The following TET2 variants were observed in gnomAD, a reference collection of about 807,000 sequenced individuals.
The protein encoded by TET2 is tet methylcytosine dioxygenase 2, also known as methylcytosine dioxygenase TET2.
In TET2, 299 loss-of-function variants were observed where a neutral mutation model predicts 142.9. That is an observed-to-expected ratio of 2.09 (90% CI 1.90 to 2.30). The LOEUF is 2.30. Ranked by LOEUF, TET2 falls within the 30% of genes most tolerant of loss-of-function variation. The probability of loss-of-function intolerance (pLI) is 0.00; values close to 1 mark genes in which losing one functional copy is unlikely to be tolerated. For synonymous variants in TET2, 819 were observed against 849.0 expected (o/e 0.96, Z 0.61); for missense variants, 2,418 against 2,378.0 (o/e 1.02, Z -0.35).
chr4:105,237,015 A>G lies in TET2; in HGVS notation c.3073A>G (p.Ile1025Val). The G allele has an allele frequency of 6.2e-7, 1 of 1,614,186 alleles. No homozygotes were observed. Among genetic ancestry groups the G allele is most frequent in the Non-Finnish European group, 8.5e-7 (1 of 1,180,020 alleles). ...TGATAATGTGCAGCAAAAGAGCATC[A>G]TTGAGACCATGGAGCAGCATCTGAA... ...SCDNVQQKSI[I>V]ETMEQHLKQF... Residue 1025 changes from isoleucine (I) to valine (V), a missense_variant, in exon 3 of 11, where the codon ATT becomes GTT. Coordinates refer to ENST00000380013, the MANE Select transcript of TET2 (RefSeq NM_001127208.3).
At chr4:105,247,392 A>C (rs1463221020) in intron 6 of TET2, among the ~76,000 whole-genome samples, 2 of 152,222 alleles carry the variant, frequency 1.3e-5, no homozygotes, top group African/African-American at 4.8e-5. Context: ...AAGCCCTTCC[A>C]CATGATTGAC....
intron 1 of TET2, among the ~76,000 whole-genome samples, chr4:105,187,494 A>G (rs1231568135): frequency 6.6e-6 from 1 of 152,222 alleles, no homozygotes; most frequent in African/African-American, 2.4e-5. Context: ...TGGAATACAT[A>G]AGTTTTTTCA....
rs1553916528 is a variant in TET2, at chr4:105,255,919, T to TTGATG, written c.3804-3698_3804-3694dup. Among the ~76,000 whole-genome samples, 119 of 86,738 alleles carry TTGATG rather than the reference T, an allele frequency of 1.4e-3. 1 individual carries two copies. The highest frequency in any genetic ancestry group is 7.0e-3 in the African/African-American group (113 of 16,080). The allele number at this position is 86,738 out of a possible 152,430, so 56.9% of individuals were successfully genotyped here. A position where few individuals can be genotyped will look rare whatever the true frequency, so the allele number is the denominator to read the frequency against. ...ATTCCCTTGTCTTTTACTAAATTTT[T>TTGATG]TGATGTTCTTAATGGTTTCCCTGGG... On this transcript the variant is annotated intron_variant, in intron 6 of 10. Coordinates refer to ENST00000380013, the MANE Select transcript of TET2 (RefSeq NM_001127208.3).
chr4:105,173,650 T>G (rs1459967022), intron 1 of TET2, among the ~76,000 whole-genome samples: 1 of 152,176 alleles, frequency 6.6e-6, no homozygotes, highest in Non-Finnish European at 1.5e-5. Flanking sequence ...GCTACAAGAA[T>G]GCAAAGGTGA....
chr4:105,246,429 A>G (rs1729586084), intron 6 of TET2, among the ~76,000 whole-genome samples: 1 of 152,240 alleles, frequency 6.6e-6, no homozygotes, highest in Non-Finnish European at 1.5e-5. Flanking sequence ...AAATATGAAG[A>G]CAATTTAAAA....
At chr4:105,224,690 C>CTCTCTCTCTCTCTCTCTG (rs1728070951) in intron 2 of TET2, among the ~76,000 whole-genome samples, 1 of 131,670 alleles carries the variant, frequency 7.6e-6, no homozygotes, top group Non-Finnish European at 1.6e-5. Context: ...GCCAGTCTCT[C>CTCTCTCTCTCTCTCTCTG]TCTCTCTCTC....
In TET2 at chr4:105,275,661, T is replaced by C. The variant is rs1331491507; in HGVS notation, c.5151T>C (p.His1717=). ...GTACCATTAGACCAAATGTACATCA[T>C]GTAGGGAAATTGCCTCCTTATCCCA... ...SSCTIRPNVH[H]VGKLPPYPTH... The change falls in exon 11 of 11, where the codon CAT becomes CAC. Residue 1717 remains histidine, a synonymous_variant. Transcript: ENST00000380013. 2.6e-6 allele frequency: 4 copies of C among 1,551,848 alleles called. No individual in the cohort carries two copies. Among genetic ancestry groups the C allele is most frequent in the Admixed American group, 2.0e-5 (1 of 50,994 alleles).
At chr4:105,220,520 C>G (rs77359343) in intron 2 of TET2, among the ~76,000 whole-genome samples, 1 of 152,086 alleles carries the variant, frequency 6.6e-6, no homozygotes, top group Non-Finnish European at 1.5e-5. Context: ...AGTAGGGGAG[C>G]CTCACTCCTG....
At chr4:105,199,574 G>A (rs1323096543) in intron 2 of TET2, among the ~76,000 whole-genome samples, 3 of 152,052 alleles carry the variant, frequency 2.0e-5, no homozygotes, top group Non-Finnish European at 2.9e-5. Flanking sequence ...AGGAGTACAC[G>A]TGCAGGTTTG....
At chr4:105,273,300 G>A (rs1029276686) in intron 10 of TET2, among the ~76,000 whole-genome samples, 7 of 152,166 alleles carry the variant, frequency 4.6e-5, no homozygotes, top group Non-Finnish European at 8.8e-5. Context: ...TCTCAGAGAT[G>A]GTAATGAGAT....
intron 1 of TET2, among the ~76,000 whole-genome samples, chr4:105,164,273 G>C (rs950332284): frequency 6.6e-6 from 1 of 151,778 alleles, no homozygotes; most frequent in Non-Finnish European, 1.5e-5. Flanking sequence ...ACATATAAGT[G>C]AGATCATGCA....
chr4:105,270,445 A>G (rs574143368), intron 9 of TET2, among the ~76,000 whole-genome samples: 2 of 152,318 alleles, frequency 1.3e-5, no homozygotes, highest in East Asian at 3.9e-4. Context: ...GTAGATTGTA[A>G]TCAGTTAAGC....
rs1430856202 is a variant in TET2, at chr4:105,278,202, AT to A, written c.*1684del. On this transcript the variant is annotated 3_prime_UTR_variant, in exon 11 of 11. Transcript: ENST00000380013. ...TATATATATATATATATATATATAT[AT>A]GAGTTTGAAGCAGAATTCACATCAT... 1.3e-5 allele frequency: 2 copies of A among 154,594 alleles called. No individual in the cohort carries two copies. The highest frequency in any genetic ancestry group is 5.5e-5 in the African/African-American group (2 of 36,212). The allele number at this position is 154,594 out of a possible 1,614,324, so 9.6% of individuals were successfully genotyped here. A position where few individuals can be genotyped will look rare whatever the true frequency, so the allele number is the denominator to read the frequency against.
rs772034024 is a variant in TET2 at position 105,236,836 on chromosome 4, C to T, written c.2894C>T (p.Thr965Ile). 1.2e-6 allele frequency: 2 copies of T among 1,613,982 alleles called. No homozygotes were observed. Among genetic ancestry groups the T allele is most frequent in the Non-Finnish European group, 1.7e-6 (2 of 1,180,006 alleles). ...TTACAGAAGCAAGAACAGCAGCAAA[C>T]ACAGCAACCCCAAACTGAGTCTTGC... ...HLLQKQEQQQ[T>I]QQPQTESCHS... The change falls in exon 3 of 11, where the codon ACA becomes ATA. Residue 965 changes from threonine (T) to isoleucine (I), a missense_variant. Thr to Ile is a moderately conservative substitution (Grantham distance 89). Transcript: ENST00000380013.
intron 4 of TET2, 168 bp from the exon 5 acceptor site, chr4:105,242,666 A>G: frequency 7.4e-7 from 1 of 1,359,702 alleles, no homozygotes; most frequent in South Asian, 2.2e-5. Flanking sequence ...AGGCTTAAAA[A>G]CCATTATCCA....
chr4:105,199,880 T>C (rs1211194573), intron 2 of TET2, among the ~76,000 whole-genome samples: 1 of 152,228 alleles, frequency 6.6e-6, no homozygotes, highest in African/African-American at 2.4e-5. Flanking sequence ...CTTATTCTCT[T>C]ATATGGCTGC....
intron 1 of TET2, among the ~76,000 whole-genome samples, chr4:105,168,652 A>C (rs1433228974): frequency 2.6e-5 from 4 of 151,960 alleles, no homozygotes; most frequent in Admixed American, 1.3e-4. Context: ...TAAGTTCTTT[A>C]GTGGTGATTT....
At chr4:105,163,836 A>T (rs1364646065) in intron 1 of TET2, among the ~76,000 whole-genome samples, 25 of 123,942 alleles carry the variant, frequency 2.0e-4, no homozygotes, top group African/African-American at 7.9e-4. Context: ...AGAGAGAGAG[A>T]GAGAGAGAGA....
Position 105,258,254 on chromosome 4 carries a change from A to G in TET2, c.3804-1365A>G, listed in dbSNP as rs182527035. Among the ~76,000 whole-genome samples, 23 of 152,154 alleles carry G rather than the reference A, an allele frequency of 1.5e-4. No homozygotes were observed. The East Asian group carries it at 4.0e-3, about 27-fold the overall frequency. ...ATCAGTACTTTTATTGCTTTTATGG[A>G]GGATAAAATTTTCAGAGATCCTTAT... On this transcript the variant is annotated intron_variant, in intron 6 of 10. Coordinates refer to ENST00000380013, the MANE Select transcript of TET2 (RefSeq NM_001127208.3).
Sources: allele counts gnomAD v4.1 joint callset (sites outside exome capture counted in the v4.1 genomes callset), GRCh38; gene constraint gnomAD v4.1.1; transcripts MANE v1.5; gene names NCBI Gene and HGNC (gene_info 2026-07-23, HGNC 2026-07-21).